Variants in CDH8 observed in about 807,000 individuals in gnomAD.
CDH8 encodes the protein cadherin 8.
A neutral mutation model predicts 68.1 loss-of-function variants in CDH8; 17 were observed. The ratio of observed to expected loss-of-function variants is 0.25; its 90% CI spans 0.17 to 0.37. The LOEUF is 0.37. CDH8 is among the 10% of genes least tolerant of loss of function. The probability of loss-of-function intolerance (pLI) is 1.00; values close to 1 mark genes in which losing one functional copy is unlikely to be tolerated. For synonymous variants in CDH8, 372 were observed against 365.1 expected (o/e 1.02, Z -0.21); for missense variants, 763 against 999.3 (o/e 0.76, Z 3.19).
chr16:61,937,377 A>G (rs1039204006), intron 2 of CDH8, among the ~76,000 whole-genome samples: 2 of 152,188 alleles, frequency 1.3e-5, no homozygotes, highest in Non-Finnish European at 2.9e-5. Context: ...ACTAGGAAAG[A>G]CGCAGGTTTC....
At chr16:61,796,778 C>T (rs1383559906) in intron 7 of CDH8, among the ~76,000 whole-genome samples, 4 of 152,098 alleles carry the variant, frequency 2.6e-5, no homozygotes, top group Middle Eastern at 3.4e-3. Context: ...GGCTTAGCAA[C>T]TTGTTCAAAG....
chr16:61,982,016 T>C (rs1394955558), intron 2 of CDH8, among the ~76,000 whole-genome samples: 11 of 152,146 alleles, frequency 7.2e-5, no homozygotes, highest in Non-Finnish European at 1.5e-5. Flanking sequence ...TTATTTGTAT[T>C]GTCGTTGTCA....
intron 2 of CDH8, among the ~76,000 whole-genome samples, chr16:61,975,699 A>C (rs1965422778): frequency 6.6e-6 from 1 of 152,212 alleles, no homozygotes; most frequent in Non-Finnish European, 1.5e-5. Flanking sequence ...TTATTGGTTC[A>C]GTGTTCAACA....
rs1409302944 is a variant in CDH8 at position 61,652,035 on chromosome 16, A to G, written c.*1573T>C. ...GGTATTTATAAAAATATATTTCACA[A>G]AGTAGGAAACAATACAGGAGTTTCT... On this transcript the variant is annotated 3_prime_UTR_variant, in exon 12 of 12. Transcript: ENST00000577390. 1 of 867,032 alleles carries G rather than the reference A, an allele frequency of 1.2e-6. No homozygotes were observed. Among genetic ancestry groups the G allele is most frequent in the Non-Finnish European group, 1.4e-6 (1 of 722,226 alleles). 53.7% of individuals were successfully genotyped at this position (867,032 alleles called of 1,614,324 possible). A position where few individuals can be genotyped will look rare whatever the true frequency, so the allele number is the denominator to read the frequency against.
At chr16:61,955,666 T>C (rs1225110240) in intron 2 of CDH8, among the ~76,000 whole-genome samples, 1 of 152,208 alleles carries the variant, frequency 6.6e-6, no homozygotes, top group African/African-American at 2.4e-5. Flanking sequence ...CATTTAAAAG[T>C]GGTCACACAA....
intron 2 of CDH8, among the ~76,000 whole-genome samples, chr16:61,956,591 A>G (rs979294888): frequency 1.3e-5 from 2 of 152,240 alleles, no homozygotes; most frequent in African/African-American, 4.8e-5. Flanking sequence ...TATTTTTACC[A>G]TAAAAATACC....
At chr16:62,033,813 C>T (rs2150625220) in intron 1 of CDH8, among the ~76,000 whole-genome samples, 1 of 151,996 alleles carries the variant, frequency 6.6e-6, no homozygotes, top group Admixed American at 6.5e-5. Context: ...GGAAAGACTC[C>T]CCTCTCTGTT....
chr16:61,866,663 T>A (rs1434393663), intron 3 of CDH8, among the ~76,000 whole-genome samples: 1 of 152,088 alleles, frequency 6.6e-6, no homozygotes, highest in East Asian at 1.9e-4. Context: ...ATATTCTACA[T>A]CATGACTTAA....
intron 4 of CDH8, among the ~76,000 whole-genome samples, chr16:61,836,970 TC>T (rs1331666791): frequency 6.6e-6 from 1 of 151,950 alleles, no homozygotes; most frequent in Non-Finnish European, 1.5e-5. Flanking sequence ...TTCTCACCAC[TC>T]CTTTTGTTCC....
chr16:61,728,886 A>T (rs1352474358), intron 8 of CDH8, among the ~76,000 whole-genome samples: 1 of 151,136 alleles, frequency 6.6e-6, no homozygotes, highest in Non-Finnish European at 1.5e-5. Flanking sequence ...AAAAACTGAA[A>T]CTCAGAAATT....
intron 2 of CDH8, among the ~76,000 whole-genome samples, chr16:62,002,157 C>A (rs578019016): frequency 2.0e-5 from 3 of 152,042 alleles, no homozygotes; most frequent in East Asian, 3.9e-4. Context: ...TTTGTCAACA[C>A]TTCAGAAAAA....
intron 2 of CDH8, among the ~76,000 whole-genome samples, chr16:61,991,397 C>T (rs1965718982): frequency 6.6e-6 from 1 of 152,158 alleles, no homozygotes; most frequent in Admixed American, 6.5e-5. Flanking sequence ...TGATCGTAAC[C>T]TTCAAGTTGC....
chr16:61,973,347 G>T (rs1037694115), intron 2 of CDH8, among the ~76,000 whole-genome samples: 4 of 152,172 alleles, frequency 2.6e-5, no homozygotes, highest in Non-Finnish European at 5.9e-5. Context: ...TTGTAAGAAT[G>T]CAGTATGTAA....
intron 8 of CDH8, among the ~76,000 whole-genome samples, chr16:61,759,547 C>T (rs530661913): frequency 2.5e-4 from 38 of 152,204 alleles, no homozygotes; most frequent in African/African-American, 8.7e-4. Flanking sequence ...GTACTGGATA[C>T]TCATCAAGGA....
intron 7 of CDH8, among the ~76,000 whole-genome samples, chr16:61,799,958 G>C (rs1481876806): frequency 6.6e-6 from 1 of 152,080 alleles, no homozygotes; most frequent in Non-Finnish European, 1.5e-5. Context: ...ACCTAGGCTG[G>C]AGTTCAGTGG....
intron 2 of CDH8, among the ~76,000 whole-genome samples, chr16:61,914,466 G>C (rs1964206431): frequency 6.6e-6 from 1 of 152,136 alleles, no homozygotes; most frequent in Non-Finnish European, 1.5e-5. Context: ...AGATTTTGCA[G>C]ATGTGACTAA....
Position 61,648,905 on chromosome 16 carries a change from T to C in CDH8, c.*4703A>G, listed in dbSNP as rs935128230. ...ACAGTATACCATGTAATCCATAAAT[T>C]TGTGTTGACTAAAACTACAATGACA... On this transcript the variant is annotated 3_prime_UTR_variant, in exon 12 of 12. Coordinates refer to ENST00000577390, the MANE Select transcript of CDH8 (RefSeq NM_001796.5). The C allele has an allele frequency of 6.6e-6, 1 of 151,932 alleles. No homozygotes were observed. Among genetic ancestry groups the C allele is most frequent in the African/African-American group, 2.4e-5 (1 of 41,390 alleles). 9.4% of individuals were successfully genotyped at this position (151,932 alleles called of 1,614,324 possible).
At chr16:61,775,014 C>T (rs563948129) in intron 8 of CDH8, among the ~76,000 whole-genome samples, 19 of 152,142 alleles carry the variant, frequency 1.2e-4, no homozygotes, top group South Asian at 1.0e-3. Flanking sequence ...TAATACAAAT[C>T]GCTATTTAAG....
At chr16:61,790,463 C>A (rs929571826) in intron 7 of CDH8, among the ~76,000 whole-genome samples, 3 of 151,796 alleles carry the variant, frequency 2.0e-5, no homozygotes, top group African/African-American at 4.8e-5. Context: ...GATGGATGCC[C>A]AAAGAAGGAT....
Sources: allele counts gnomAD v4.1 joint callset (sites outside exome capture counted in the v4.1 genomes callset), GRCh38; gene constraint gnomAD v4.1.1; transcripts MANE v1.5; gene names NCBI Gene and HGNC (gene_info 2026-07-23, HGNC 2026-07-21).